The following RBFOX1 variants were observed in gnomAD, a reference collection of about 807,000 sequenced individuals.
RBFOX1 encodes RNA binding fox-1 homolog 1, also known as RNA binding protein fox-1 homolog 1.
RBFOX1 carries 8 observed loss-of-function variants against 57.7 expected under a neutral mutation model. That is an observed-to-expected ratio of 0.14 (90% CI 0.08 to 0.25). The LOEUF (loss-of-function observed/expected upper bound fraction) is 0.25. Among genes scored for constraint, RBFOX1 ranks in the 10% least tolerant of loss-of-function variants. RBFOX1 has a pLI of 1.00. For synonymous variants in RBFOX1, 326 were observed against 222.4 expected (o/e 1.47, Z -4.15); for missense variants, 611 against 548.5 (o/e 1.11, Z -1.14).
chr16:5,569,900 G>C (rs1025731596), intron 2 of RBFOX1, among the ~76,000 whole-genome samples: 4 of 152,246 alleles, frequency 2.6e-5, no homozygotes, highest in African/African-American at 9.6e-5. Flanking sequence ...CCTAGTCAAA[G>C]AACAAGACGT....
intron 3 of RBFOX1, among the ~76,000 whole-genome samples, chr16:5,858,731 G>A (rs1256449421): frequency 6.6e-6 from 1 of 152,216 alleles, no homozygotes; most frequent in Non-Finnish European, 1.5e-5. Flanking sequence ...CATGTCTGGA[G>A]CCTGCAGAAT....
intron 4 of RBFOX1, among the ~76,000 whole-genome samples, chr16:7,059,903 C>T (rs568784403): frequency 1.3e-5 from 2 of 152,054 alleles, no homozygotes; most frequent in African/African-American, 4.8e-5. Flanking sequence ...AGAGCTGTTT[C>T]TATGAAAACT....
chr16:7,634,020 A>G (rs1020391704), intron 11 of RBFOX1, among the ~76,000 whole-genome samples: 1 of 152,242 alleles, frequency 6.6e-6, no homozygotes. Flanking sequence ...CACACGAGTT[A>G]TATTCATGGT....
chr16:5,895,937 T>C (rs757675327), intron 4 of RBFOX1, among the ~76,000 whole-genome samples: 1 of 152,102 alleles, frequency 6.6e-6, no homozygotes, highest in Admixed American at 6.5e-5. Flanking sequence ...AAGAATGAAG[T>C]CTGTATTCCT....
chr16:6,990,116 C>T (rs1232411753), intron 3 of RBFOX1, among the ~76,000 whole-genome samples: 1 of 152,184 alleles, frequency 6.6e-6, no homozygotes, highest in Non-Finnish European at 1.5e-5. Context: ...GAACATATGT[C>T]ACCAACAACT....
chr16:6,978,050 C>G (rs1262191903), intron 3 of RBFOX1, among the ~76,000 whole-genome samples: 8 of 150,302 alleles, frequency 5.3e-5, no homozygotes, highest in Admixed American at 3.3e-4. Context: ...CGCCCTCCCT[C>G]TAACCTGCCC....
chr16:6,477,753 T>C (rs190356151), intron 2 of RBFOX1, among the ~76,000 whole-genome samples: 1 of 152,234 alleles, frequency 6.6e-6, no homozygotes, highest in Admixed American at 6.5e-5. Context: ...GATACCATCT[T>C]CTTCCAAGAG....
chr16:5,903,568 G>T (rs750454499), intron 4 of RBFOX1, among the ~76,000 whole-genome samples: 1 of 152,140 alleles, frequency 6.6e-6, no homozygotes, highest in Non-Finnish European at 1.5e-5. Flanking sequence ...GGGCCAGCCA[G>T]ACAAAAACAC....
chr16:5,726,829 G>A (rs1300356031), intron 3 of RBFOX1, among the ~76,000 whole-genome samples: 1 of 152,114 alleles, frequency 6.6e-6, no homozygotes, highest in South Asian at 2.1e-4. Context: ...ATCTTCTCCT[G>A]TCAGCTTGGT....
At chr16:7,009,853 C>A (rs187143500) in intron 3 of RBFOX1, among the ~76,000 whole-genome samples, 1 of 152,100 alleles carries the variant, frequency 6.6e-6, no homozygotes, top group Non-Finnish European at 1.5e-5. Flanking sequence ...AAGCAAACTA[C>A]GAATATTAAA....
chr16:5,917,948 C>T (rs571847241), intron 4 of RBFOX1, among the ~76,000 whole-genome samples: 55 of 152,166 alleles, frequency 3.6e-4, no homozygotes, highest in Middle Eastern at 3.4e-3. Context: ...CTCTCCCACA[C>T]GGGAGAAAGA....
chr16:7,336,373 A>C lies in RBFOX1; in HGVS notation c.28-181774A>C, dbSNP rs568240018. On this transcript the variant is annotated intron_variant, in intron 4 of 15. Transcript: ENST00000550418. ...TATGCCCTTGGGCCATACATGGCCA[A>C]GTCACTTTCACTATTGGACAAATCG... 2.6e-5 allele frequency among the ~76,000 whole-genome samples: 4 copies of C among 152,378 alleles called. No individual in the cohort carries two copies. In the East Asian group the frequency reaches 5.8e-4, roughly 22 times the overall value.
intron 14 of RBFOX1, among the ~76,000 whole-genome samples, chr16:7,690,709 T>G (rs2077127548): frequency 6.6e-6 from 1 of 152,070 alleles, no homozygotes; most frequent in African/African-American, 2.4e-5. Context: ...AGCGGAGACA[T>G]TCGTCTCTTT....
intron 4 of RBFOX1, among the ~76,000 whole-genome samples, chr16:7,194,302 A>T (rs917434189): frequency 1.3e-5 from 2 of 152,230 alleles, no homozygotes; most frequent in Non-Finnish European, 2.9e-5. Context: ...TATTCAGAAT[A>T]AGTGATATTG....
chr16:7,239,723 T>A (rs1471592101), intron 4 of RBFOX1, among the ~76,000 whole-genome samples: 2 of 152,164 alleles, frequency 1.3e-5, no homozygotes, highest in Non-Finnish European at 2.9e-5. Flanking sequence ...GTTAGCTGGT[T>A]AGAATTTGCT....
At chr16:5,412,131 T>A (rs2067038231) in intron 1 of RBFOX1, among the ~76,000 whole-genome samples, 1 of 152,026 alleles carries the variant, frequency 6.6e-6, no homozygotes, top group Non-Finnish European at 1.5e-5. Context: ...GCTTTTTCTC[T>A]GGACAGAGGT....
intron 3 of RBFOX1, among the ~76,000 whole-genome samples, chr16:5,732,824 C>G (rs1037593601): frequency 6.6e-6 from 1 of 152,096 alleles, no homozygotes; most frequent in African/African-American, 2.4e-5. Context: ...ATATTCTTCA[C>G]AAAAGTCTTC....
At position 7,301,811 on chromosome 16, in the gene RBFOX1, G is replaced by T. The variant is rs114565804; in HGVS notation, c.28-216336G>T. 9.3e-3 allele frequency among the ~76,000 whole-genome samples: 1,414 copies of T among 152,284 alleles called. 23 individuals carry two copies. Among genetic ancestry groups the T allele is most frequent in the African/African-American group, 0.032 (1,342 of 41,544 alleles). On this transcript the variant is annotated intron_variant, in intron 4 of 15. Coordinates refer to ENST00000550418, the MANE Select transcript of RBFOX1 (RefSeq NM_018723.4). ...GCAGATTGCTTGACGCAACAGTAAA[G>T]AATGGGAAAGGGAGAGTGAGGATTG...
At chr16:5,241,687 A>G (rs1436826078) in intron 1 of RBFOX1, among the ~76,000 whole-genome samples, 5 of 152,262 alleles carry the variant, frequency 3.3e-5, no homozygotes, top group African/African-American at 9.6e-5. Context: ...AAGCTCGTCC[A>G]TAGAAGCACT....
Sources: allele counts gnomAD v4.1 joint callset (sites outside exome capture counted in the v4.1 genomes callset), GRCh38; gene constraint gnomAD v4.1.1; transcripts MANE v1.5; gene names NCBI Gene and HGNC (gene_info 2026-07-23, HGNC 2026-07-21).